Variants in DGKK observed in about 807,000 individuals in gnomAD.
DGKK encodes the protein diacylglycerol kinase kappa.
In DGKK, 35 loss-of-function variants were observed where a neutral mutation model predicts 92.2. The ratio of observed to expected loss-of-function variants is 0.38; its 90% CI spans 0.29 to 0.50. The LOEUF is 0.50. Among genes scored for constraint, DGKK ranks in the 20% least tolerant of loss-of-function variants. The probability of loss-of-function intolerance (pLI) is 0.92; values close to 1 mark genes in which losing one functional copy is unlikely to be tolerated. For missense variants in DGKK, 910 were observed against 992.2 expected, an observed-to-expected ratio of 0.92 and a Z score of 1.11; for synonymous variants, 368 against 360.6, an observed-to-expected ratio of 1.02 and a Z score of -0.23.
chrX:50,421,232 T>A lies in DGKK; in HGVS notation c.838-725A>T, dbSNP rs148123266. ...CTGAGAGTCTAGCAGATGTAGACCA[T>A]GGGCAGGACTTGATCTTTTCCCAGA... On this transcript the variant is annotated intron_variant, in intron 3 of 27. Coordinates refer to ENST00000611977, the MANE Select transcript of DGKK (RefSeq NM_001013742.4). Among the ~76,000 whole-genome samples, 957 of 111,657 alleles carry A rather than the reference T, an allele frequency of 8.6e-3. 6 individuals carry two copies. Among genetic ancestry groups the A allele is most frequent in the Middle Eastern group, 0.041 (9 of 217 alleles).
intron 1 of DGKK, among the ~76,000 whole-genome samples, chrX:50,439,707 T>C (rs1251070734): frequency 3.6e-5 from 4 of 111,232 alleles, no homozygotes; most frequent in African/African-American, 1.3e-4. Context: ...TGTGGATTAG[T>C]CCATGCAAGC....
At chrX:50,430,731 C>G (rs1423806907) in intron 1 of DGKK, among the ~76,000 whole-genome samples, 1 of 111,857 alleles carries the variant, frequency 8.9e-6, no homozygotes, top group Non-Finnish European at 1.9e-5. Context: ...AAATCCATTG[C>G]TCCCAGAAAC....
intron 1 of DGKK, among the ~76,000 whole-genome samples, chrX:50,454,557 A>G (rs183434564): frequency 4.1e-4 from 46 of 111,817 alleles, no homozygotes; most frequent in Non-Finnish European, 8.3e-4. Flanking sequence ...ATCCTGCTAT[A>G]CATAATAAGG....
chrX:50,393,228 C>T lies in DGKK; in HGVS notation c.1519G>A (p.Val507Ile), dbSNP rs782135402. The change falls in exon 9 of 28, where the codon GTC becomes ATC. Residue 507 changes from valine (V) to isoleucine (I), a missense_variant. Transcript: ENST00000611977. The part of the protein sequence containing the change: ...NSKSGDHQGI[V>I]FLRKFKQYLN... ...TATTGCTTGAATTTTCGGAGGAAGA[C>T]GATCCCCTGATGATCGCCACTTTTG... 2.9e-5 allele frequency: 35 copies of T among 1,208,213 alleles called. No homozygotes were observed. Among genetic ancestry groups the T allele is most frequent in the East Asian group, 2.1e-4 (7 of 33,737 alleles).
intron 1 of DGKK, among the ~76,000 whole-genome samples, chrX:50,460,037 G>T (rs1036834248): frequency 8.9e-6 from 1 of 111,945 alleles, no homozygotes; most frequent in Non-Finnish European, 1.9e-5. Flanking sequence ...CACTTATCAA[G>T]GGAAAATTAA....
intron 12 of DGKK, among the ~76,000 whole-genome samples, chrX:50,389,031 G>C (rs1286650462): frequency 9.0e-6 from 1 of 111,383 alleles, no homozygotes; most frequent in African/African-American, 3.3e-5. Context: ...CTGACTATGT[G>C]CCAGGCTCTG....
At chrX:50,397,409 T>C (rs995909823) in intron 8 of DGKK, among the ~76,000 whole-genome samples, 6 of 112,264 alleles carry the variant, frequency 5.3e-5, no homozygotes, top group Non-Finnish European at 9.4e-5. Context: ...CTGAGTACAA[T>C]TGTTATTCCT....
chrX:50,386,586 T>A lies in DGKK; in HGVS notation c.2119A>T (p.Ser707Cys). Residue 707 changes from serine (S) to cysteine (C), a missense_variant and splice_region_variant, in exon 15 of 28, where the codon AGT becomes TGT. Ser to Cys is a moderately radical substitution (Grantham distance 112). Coordinates refer to ENST00000611977, the MANE Select transcript of DGKK (RefSeq NM_001013742.4). Reference protein sequence around the residue: ...NTAIVSVILKSDLMYDRLSVL... With the variant: ...NTAIVSVILKCDLMYDRLSVL... ...CTGAGCCTATCATACATTAAGTCAC[T>A]CTATATAGAAAGGAAGGAGACAGGG... 1 of 1,203,290 alleles carries A rather than the reference T, an allele frequency of 8.3e-7. No individual in the cohort carries two copies. Among genetic ancestry groups the A allele is most frequent in the Non-Finnish European group, 1.1e-6 (1 of 889,604 alleles).
intron 1 of DGKK, among the ~76,000 whole-genome samples, chrX:50,454,909 T>A (rs1557232753): frequency 8.9e-6 from 1 of 112,273 alleles, no homozygotes; most frequent in African/African-American, 3.2e-5. Context: ...TCCTCTTTTA[T>A]AATTCTACAG....
At chrX:50,441,041 C>G (rs945947593) in intron 1 of DGKK, among the ~76,000 whole-genome samples, 1 of 111,428 alleles carries the variant, frequency 9.0e-6, no homozygotes, top group Non-Finnish European at 1.9e-5. Flanking sequence ...ACTTGATGAG[C>G]TTTTTGACTT....
intron 4 of DGKK, among the ~76,000 whole-genome samples, chrX:50,408,380 CCTTT>C (rs1557227475): frequency 8.9e-6 from 1 of 111,807 alleles, no homozygotes; most frequent in Admixed American, 9.4e-5. Context: ...CCATTTTATC[CCTTT>C]CTTTCTTTTT....
At chrX:50,457,182 C>T (rs1207267054) in intron 1 of DGKK, among the ~76,000 whole-genome samples, 2 of 111,542 alleles carry the variant, frequency 1.8e-5, no homozygotes, top group African/African-American at 6.5e-5. Flanking sequence ...TATTAAAATG[C>T]AGGCACACCA....
intron 4 of DGKK, among the ~76,000 whole-genome samples, chrX:50,407,500 AAG>A (rs782138606): frequency 4.6e-5 from 5 of 108,771 alleles, no homozygotes; most frequent in African/African-American, 6.7e-5. Flanking sequence ...AGAAGAAAGA[AAG>A]AGAGAGAGAG....
intron 22 of DGKK, 104 bp from the exon 23 acceptor site, chrX:50,377,022 T>C: frequency 1.2e-6 from 1 of 819,237 alleles, no homozygotes; most frequent in Non-Finnish European, 1.7e-6. Flanking sequence ...GGTATGTGGG[T>C]ACAGTGGGTA....
intron 14 of DGKK, 109 bp from the exon 15 acceptor site, chrX:50,386,695 T>C: frequency 1.6e-6 from 1 of 620,947 alleles, no homozygotes; most frequent in South Asian, 2.9e-5. Context: ...GTAAGAGTTG[T>C]CCATAAATGC....
intron 25 of DGKK, 39 bp from the exon 26 acceptor site, chrX:50,371,873 A>G: frequency 1.1e-6 from 1 of 939,427 alleles, no homozygotes. Context: ...TCCAATGCCT[A>G]GCACTTTTGT....
At chrX:50,388,666 C>T in intron 12 of DGKK, 48 bp from the exon 13 acceptor site, 4 of 937,963 alleles carry the variant, frequency 4.3e-6, no homozygotes, top group East Asian at 3.3e-5. Flanking sequence ...TACAATAACA[C>T]AGTGTGCTGC....
At chrX:50,374,524 T>C (rs781785281) in intron 25 of DGKK, among the ~76,000 whole-genome samples, 1 of 111,349 alleles carries the variant, frequency 9.0e-6, no homozygotes, top group East Asian at 2.8e-4. Context: ...AACGAATATA[T>C]TAATAGCTAG....
intron 1 of DGKK, among the ~76,000 whole-genome samples, chrX:50,462,887 T>G (rs1557233509): frequency 4.2e-5 from 1 of 24,070 alleles, no homozygotes; most frequent in Non-Finnish European, 6.5e-5. Context: ...CCTTGCTTTT[T>G]TTTTTTTTTT....
Sources: gnomAD v4.1 joint callset for allele counts (sites outside exome capture counted in the v4.1 genomes callset) on GRCh38, gnomAD v4.1.1 for gene constraint, MANE v1.5 for transcripts, NCBI Gene and HGNC (gene_info 2026-07-23, HGNC 2026-07-21) for gene names.